PRKCH: variants seen among roughly 807,000 people sequenced by gnomAD.
The protein encoded by PRKCH is protein kinase C eta type.
Under a neutral mutation model 82.5 loss-of-function variants are expected in PRKCH, and 28 were observed. That is an observed-to-expected ratio of 0.34 (90% confidence interval 0.25 to 0.47). The LOEUF (loss-of-function observed/expected upper bound fraction) is 0.47, where lower values mean the gene tolerates loss of function less well. Among genes scored for constraint, PRKCH ranks in the 20% least tolerant of loss-of-function variants. The pLI is 1.00. For synonymous variants in PRKCH, 322 were observed against 327.4 expected (o/e 0.98, Z 0.18); for missense variants, 705 against 881.8 (o/e 0.80, Z 2.54).
chr14:61,383,547 G>A (rs1356845058), intron 1 of PRKCH, among the ~76,000 whole-genome samples: 2 of 152,140 alleles, frequency 1.3e-5, no homozygotes, highest in African/African-American at 4.8e-5. Context: ...CCTGGCACCA[G>A]TTTCTTCCTT....
intron 1 of PRKCH, among the ~76,000 whole-genome samples, chr14:61,216,301 A>G (rs1013280931): frequency 6.6e-6 from 1 of 151,984 alleles, no homozygotes; most frequent in Non-Finnish European, 1.5e-5. Flanking sequence ...TTCTGTCTCT[A>G]CTAAAAATAC....
At chr14:61,211,589 TA>T (rs927381291) in intron 1 of PRKCH, among the ~76,000 whole-genome samples, 1 of 152,150 alleles carries the variant, frequency 6.6e-6, no homozygotes, top group Non-Finnish European at 1.5e-5. Context: ...TGAAATAACC[TA>T]AATATTAGTC....
intron 1 of PRKCH, among the ~76,000 whole-genome samples, chr14:61,268,541 G>A (rs963071016): frequency 6.6e-6 from 1 of 151,990 alleles, no homozygotes; most frequent in East Asian, 1.9e-4. Context: ...GGTGGTCCAT[G>A]CCTGTAGTCC....
At chr14:61,385,366 G>GA (rs5809092) in intron 1 of PRKCH, among the ~76,000 whole-genome samples, 1,961 of 148,534 alleles carry the variant, frequency 0.013, 28 homozygotes, top group African/African-American at 0.042. Context: ...AAATATTGCA[G>GA]AAAAAAAAAA....
intron 9 of PRKCH, among the ~76,000 whole-genome samples, chr14:61,474,870 G>A (rs746282007): frequency 1.3e-5 from 2 of 152,222 alleles, no homozygotes; most frequent in East Asian, 1.9e-4. Flanking sequence ...CAGAAACTTC[G>A]GCCCGTGCAT....
chr14:61,308,664 C>T (rs565354380), intron 1 of PRKCH, among the ~76,000 whole-genome samples: 1 of 152,152 alleles, frequency 6.6e-6, no homozygotes, highest in East Asian at 1.9e-4. Context: ...AGTCTCGCTC[C>T]ATTGCCCAGG....
chr14:61,386,383 G>A (rs778687581), intron 1 of PRKCH, among the ~76,000 whole-genome samples: 1 of 152,228 alleles, frequency 6.6e-6, no homozygotes, highest in Non-Finnish European at 1.5e-5. Flanking sequence ...CTGGAGGACA[G>A]TAGTCTGGAA....
chr14:61,366,320 ACT>A (rs756720615), intron 1 of PRKCH, among the ~76,000 whole-genome samples: 12 of 152,078 alleles, frequency 7.9e-5, no homozygotes, highest in Non-Finnish European at 1.2e-4. Flanking sequence ...GATTTGTAAG[ACT>A]CTGAAAAAAT....
chr14:61,506,525 C>G (rs1887156647), intron 10 of PRKCH, among the ~76,000 whole-genome samples: 1 of 152,134 alleles, frequency 6.6e-6, no homozygotes, highest in African/African-American at 2.4e-5. Flanking sequence ...CTCTGGAAAG[C>G]TCGTCTTCTC....
chr14:61,511,169 T>A (rs1009632099), intron 10 of PRKCH, among the ~76,000 whole-genome samples: 4 of 152,212 alleles, frequency 2.6e-5, no homozygotes, highest in African/African-American at 9.7e-5. Context: ...TTCTTCCTTT[T>A]CACATAGCCG....
chr14:61,203,467 G>A (rs1466231314), intron 1 of PRKCH, among the ~76,000 whole-genome samples: 1 of 152,044 alleles, frequency 6.6e-6, no homozygotes, highest in East Asian at 1.9e-4. Flanking sequence ...GTACTCAAAT[G>A]ACAGGACTGA....
At chr14:61,411,986 G>T (rs985679372) in intron 2 of PRKCH, among the ~76,000 whole-genome samples, 1 of 152,186 alleles carries the variant, frequency 6.6e-6, no homozygotes, top group African/African-American at 2.4e-5. Flanking sequence ...TTGCTTAGTG[G>T]GGAATAACTA....
At chr14:61,266,233 C>T (rs1005615152) in intron 1 of PRKCH, among the ~76,000 whole-genome samples, 2 of 151,688 alleles carry the variant, frequency 1.3e-5, no homozygotes, top group African/African-American at 4.9e-5. Context: ...GCCTGGCAGG[C>T]ATGGTGAAAC....
At chr14:61,547,987 C>A in intron 13 of PRKCH, 101 bp downstream of exon 13, 1 of 1,478,628 alleles carries the variant, frequency 6.8e-7, no homozygotes, top group Non-Finnish European at 9.2e-7. Flanking sequence ...GGGTGACAGA[C>A]CAGAAATTCA....
chr14:61,230,970 A>T (rs2044738522), intron 1 of PRKCH, among the ~76,000 whole-genome samples: 1 of 152,254 alleles, frequency 6.6e-6, no homozygotes, highest in South Asian at 2.1e-4. Context: ...ATTTAGTAAT[A>T]GCTTTGCCTT....
chr14:61,495,923 T>C (rs187850800), intron 10 of PRKCH, among the ~76,000 whole-genome samples: 4 of 152,338 alleles, frequency 2.6e-5, no homozygotes, highest in Admixed American at 1.3e-4. Flanking sequence ...AAAGATTTAC[T>C]GTTTGACACA....
intron 10 of PRKCH, among the ~76,000 whole-genome samples, chr14:61,489,203 A>G (rs1345027385): frequency 1.6e-4 from 24 of 152,208 alleles, no homozygotes; most frequent in Admixed American, 1.6e-3. Flanking sequence ...CATGTCCCAG[A>G]ACGCCCTTTA....
At chr14:61,403,754 C>A (rs1035571551) in intron 2 of PRKCH, among the ~76,000 whole-genome samples, 1 of 152,126 alleles carries the variant, frequency 6.6e-6, no homozygotes, top group Non-Finnish European at 1.5e-5. Flanking sequence ...CTATGGCACT[C>A]GCTTACTGAC....
chr14:61,230,295 T>C (rs891283421), intron 1 of PRKCH, among the ~76,000 whole-genome samples: 2 of 152,188 alleles, frequency 1.3e-5, no homozygotes, highest in East Asian at 3.9e-4. Flanking sequence ...TTAGACTCTG[T>C]TATTTCAGTT....
Sources: allele counts gnomAD v4.1 joint callset (sites outside exome capture counted in the v4.1 genomes callset), GRCh38; gene constraint gnomAD v4.1.1; transcripts MANE v1.5; gene names NCBI Gene and HGNC (gene_info 2026-07-23, HGNC 2026-07-21).